TAF1: variants seen among roughly 807,000 people sequenced by gnomAD.
TAF1 encodes the protein transcription initiation factor TFIID subunit 1.
In TAF1, 2 loss-of-function variants were observed where a neutral mutation model predicts 138.5. The observed-to-expected ratio is 0.01, with a 90% CI of 0.01 to 0.05. TAF1 has a LOEUF of 0.05. TAF1 is among the 10% of genes least tolerant of loss of function. The pLI is 1.00. For missense variants in TAF1, 709 were observed against 1,478.0 expected, an observed-to-expected ratio of 0.48 and a Z score of 8.53; for synonymous variants, 437 against 503.2, an observed-to-expected ratio of 0.87 and a Z score of 1.76.
At chrX:71,524,775 T>C (rs2039968741) in intron 13 of TAF1, among the ~76,000 whole-genome samples, 1 of 109,104 alleles carries the variant, frequency 9.2e-6, no homozygotes, top group African/African-American at 3.3e-5. Context: ...ACCCCATCTC[T>C]ACTAAAAATA....
chrX:71,474,646 G>A (rs1216770276), intron 13 of TAF1, among the ~76,000 whole-genome samples: 3 of 112,038 alleles, frequency 2.7e-5, no homozygotes, highest in East Asian at 5.6e-4. Context: ...CTATTCTCAC[G>A]GAGCTTGCAT....
chrX:71,379,649 C>T (rs2033741606), intron 8 of TAF1, among the ~76,000 whole-genome samples: 1 of 100,023 alleles, frequency 1.0e-5, no homozygotes, highest in African/African-American at 3.7e-5. Context: ...GTTGCCTGGG[C>T]CGGAGTGTAG....
At chrX:71,446,945 A>G (rs966536450) in intron 32 of TAF1, among the ~76,000 whole-genome samples, 9 of 112,046 alleles carry the variant, frequency 8.0e-5, no homozygotes, top group Non-Finnish European at 1.7e-4. Flanking sequence ...ATATTGTGAA[A>G]GATTAGATTC....
intron 23 of TAF1, 90 bp downstream of exon 23, chrX:71,397,556 C>T: frequency 2.0e-6 from 2 of 1,012,181 alleles, no homozygotes; most frequent in Non-Finnish European, 1.4e-6. Flanking sequence ...GATCTTGGCT[C>T]ATTGCAACCT....
At chrX:71,528,392 G>A (rs975750505) in intron 13 of TAF1, 1 of 259,543 alleles carries the variant, frequency 3.9e-6, no homozygotes, top group Non-Finnish European at 7.3e-6. Flanking sequence ...TCAAATGACA[G>A]TGGGTACTTT....
At position 71,441,062 on chromosome X, in the gene TAF1, G is replaced by A. The variant is rs143016295; in HGVS notation, c.4754-13108G>A. 7.0e-3 allele frequency among the ~76,000 whole-genome samples: 770 copies of A among 109,576 alleles called. 10 individuals carry two copies. Among genetic ancestry groups the A allele is most frequent in the African/African-American group, 0.024 (727 of 30,098 alleles). The stretch of plus-strand genomic sequence containing the variant: ...ATTACAGGCACGCAACATCATGCCC[G>A]GCTAATTTTTGTATTTTTAATAGAG... On this transcript the variant is annotated intron_variant, in intron 32 of 37. Coordinates refer to ENST00000423759, the MANE Select transcript of TAF1 (RefSeq NM_004606.5).
At position 71,377,292 on chromosome X, in the gene TAF1, C is replaced by T. The variant is rs1033923322; in HGVS notation, c.714+101C>T. 7 of 1,121,829 alleles carry T rather than the reference C, an allele frequency of 6.2e-6. No individual in the cohort carries two copies. The African/African-American group carries it at 1.3e-4, about 20-fold the overall frequency. The allele number at this position is 1,121,829 out of a possible 1,213,427, so 92.5% of individuals were successfully genotyped here. ...GAGTATGGAATGGGGTTTCCTTACT[C>T]AGTGACATATTATTGGCTACATAAG... On this transcript the variant is annotated intron_variant, in intron 5 of 37. Coordinates refer to ENST00000423759, the MANE Select transcript of TAF1 (RefSeq NM_004606.5).
intron 32 of TAF1, among the ~76,000 whole-genome samples, chrX:71,448,262 C>T (rs1223180939): frequency 9.0e-6 from 1 of 111,587 alleles, no homozygotes; most frequent in Non-Finnish European, 1.9e-5. Context: ...GCTCTATTGT[C>T]TTTGTCTCTT....
At chrX:71,515,982 A>G (rs2039816327) in intron 13 of TAF1, among the ~76,000 whole-genome samples, 1 of 111,331 alleles carries the variant, frequency 9.0e-6, no homozygotes, top group Admixed American at 9.7e-5. Context: ...AAGTAGTGAA[A>G]TCCATAGAAA....
chrX:71,369,870 C>T (rs1310013041), intron 3 of TAF1, among the ~76,000 whole-genome samples: 2 of 108,636 alleles, frequency 1.8e-5, no homozygotes, highest in Non-Finnish European at 3.8e-5. Flanking sequence ...GCCTCGGCCT[C>T]CCAAAGTGCT....
At chrX:71,491,056 T>G (rs1413118218) in intron 13 of TAF1, 2 of 100,336 alleles carry the variant, frequency 2.0e-5, no homozygotes, top group East Asian at 3.0e-4. Context: ...TTTTTTTTTT[T>G]TTTTTTTTTT....
intron 26 of TAF1, 69 bp from the exon 27 acceptor site, chrX:71,407,505 A>G: frequency 1.0e-6 from 1 of 1,000,814 alleles, no homozygotes; most frequent in African/African-American, 1.9e-5. Context: ...GGTGTGAGCT[A>G]CTGTGCCTGG....
chrX:71,423,061 A>G (rs757802625), intron 29 of TAF1, 56 bp from the exon 30 acceptor site: 51 of 1,201,125 alleles, frequency 4.2e-5, no homozygotes, highest in Non-Finnish European at 5.2e-5. Context: ...TAACTTTTCT[A>G]TGGTGATCAC....
intron 13 of TAF1, among the ~76,000 whole-genome samples, chrX:71,480,852 G>A (rs1162954190): frequency 8.9e-6 from 1 of 112,016 alleles, no homozygotes; most frequent in Non-Finnish European, 1.9e-5. Flanking sequence ...GGCTATCTGG[G>A]GGAAGATCAT....
At chrX:71,490,862 G>A (rs1052230248) in intron 13 of TAF1, among the ~76,000 whole-genome samples, 20 of 108,587 alleles carry the variant, frequency 1.8e-4, no homozygotes, top group Non-Finnish European at 3.6e-4. Flanking sequence ...CGAGTAGCTG[G>A]GAATACAGGC....
chrX:71,384,027 C>T lies in TAF1; in HGVS notation c.2013C>T (p.Asp671=), dbSNP rs1029255160. ...GEMFFMRTPQ[D]LTGKDGDLIL... is the part of the protein sequence containing the mutation. Reference sequence around the variant, plus strand: ...TGTTTTTTATGCGCACACCTCAGGACCTCACAGGCAAAGATGGTGATCTTA... The same window carrying T: ...TGTTTTTTATGCGCACACCTCAGGATCTCACAGGCAAAGATGGTGATCTTA... The change falls in exon 13 of 38, where the codon GAC becomes GAT. Residue 671 remains aspartate, a synonymous_variant. Transcript: ENST00000423759. The T allele has an allele frequency of 7.4e-6, 9 of 1,209,172 alleles. No homozygotes were observed. The highest frequency in any genetic ancestry group is 4.4e-5 in the Admixed American group (2 of 45,524).
intron 30 of TAF1, 103 bp downstream of exon 30, chrX:71,423,342 T>C (rs1483609773): frequency 8.9e-7 from 1 of 1,121,031 alleles, no homozygotes; most frequent in African/African-American, 1.8e-5. Flanking sequence ...AGTGGTGGTG[T>C]ATGTCAGTTG....
chrX:71,408,700 T>C (rs2035602950), intron 28 of TAF1, among the ~76,000 whole-genome samples: 1 of 111,431 alleles, frequency 9.0e-6, no homozygotes, highest in Non-Finnish European at 1.9e-5. Flanking sequence ...CCATGGAAAG[T>C]AGTGGAAGAC....
intron 13 of TAF1, among the ~76,000 whole-genome samples, chrX:71,502,554 A>G (rs927410853): frequency 1.8e-5 from 2 of 112,937 alleles, no homozygotes; most frequent in East Asian, 5.5e-4. Context: ...TATTGAATCA[A>G]TGTCATACTG....
Sources: gnomAD v4.1 joint callset for allele counts (sites outside exome capture counted in the v4.1 genomes callset) on GRCh38, gnomAD v4.1.1 for gene constraint, MANE v1.5 for transcripts, NCBI Gene and HGNC (gene_info 2026-07-23, HGNC 2026-07-21) for gene names.